The following LAMA3 variants were observed in gnomAD, a reference collection of about 807,000 sequenced individuals.
LAMA3 encodes the protein laminin subunit alpha 3.
In LAMA3, 281 loss-of-function variants were observed where a neutral mutation model predicts 402.0. That is an observed-to-expected ratio of 0.70 (90% confidence interval 0.63 to 0.77). The LOEUF is 0.77. LAMA3 is among the 30% of genes least tolerant of loss of function. The pLI is 0.00. For synonymous variants in LAMA3, 1,431 were observed against 1,558.4 expected, an observed-to-expected ratio of 0.92 and a Z score of 1.93; for missense variants, 3,840 against 4,215.5, an observed-to-expected ratio of 0.91 and a Z score of 2.47.
chr18:23,827,751 C>A (rs2063412888), intron 23 of LAMA3, among the ~76,000 whole-genome samples: 1 of 151,926 alleles, frequency 6.6e-6, no homozygotes, highest in Non-Finnish European at 1.5e-5. Flanking sequence ...AAGGGGGCAT[C>A]CTGTTCTACA....
At chr18:23,896,702 G>A (rs938314037) in intron 44 of LAMA3, among the ~76,000 whole-genome samples, 2 of 152,190 alleles carry the variant, frequency 1.3e-5, no homozygotes, top group Non-Finnish European at 2.9e-5. Context: ...GGCCACATGA[G>A]AGCCTAGCAA....
intron 8 of LAMA3, among the ~76,000 whole-genome samples, chr18:23,767,481 CAAAAAT>C (rs1845478560): frequency 6.6e-6 from 1 of 151,804 alleles, no homozygotes; most frequent in African/African-American, 2.4e-5. Context: ...ATACAGAACT[CAAAAAT>C]AAAGCCACAC....
intron 13 of LAMA3, among the ~76,000 whole-genome samples, chr18:23,812,037 C>T (rs537682455): frequency 8.3e-4 from 126 of 152,056 alleles, no homozygotes; most frequent in Non-Finnish European, 1.4e-3. Flanking sequence ...CCATGCCTAG[C>T]TAATTTTTTG....
At chr18:23,951,453 G>A (rs531558069) in intron 72 of LAMA3, among the ~76,000 whole-genome samples, 45 of 152,300 alleles carry the variant, frequency 3.0e-4, no homozygotes, top group Non-Finnish European at 1.5e-4. Flanking sequence ...CATTGGCAAC[G>A]ACTTCAGGCC....
At chr18:23,778,324 A>C (rs1406104770) in intron 11 of LAMA3, among the ~76,000 whole-genome samples, 1 of 152,166 alleles carries the variant, frequency 6.6e-6, no homozygotes, top group Non-Finnish European at 1.5e-5. Flanking sequence ...GAACAGAAAA[A>C]ATTCCCAGCT....
At chr18:23,863,932 CT>C (rs1470512375) in intron 35 of LAMA3, among the ~76,000 whole-genome samples, 1 of 152,210 alleles carries the variant, frequency 6.6e-6, no homozygotes, top group Non-Finnish European at 1.5e-5. Context: ...ATTGAGAGGT[CT>C]GTGCACCTGC....
At chr18:23,931,467 G>T in intron 65 of LAMA3, 1 of 396,940 alleles carries the variant, frequency 2.5e-6, no homozygotes, top group Non-Finnish European at 4.6e-6. Flanking sequence ...GACCAGTCTT[G>T]GAAACACAGT....
Position 23,899,029 on chromosome 18 carries a change from G to A in LAMA3, c.5800G>A (p.Asp1934Asn), listed in dbSNP as rs375324735. The change falls in exon 46 of 75, where the codon GAT becomes AAT. Residue 1934 changes from aspartate to asparagine, a missense_variant. By Grantham distance (23) the Asp-to-Asn change is conservative. Transcript: ENST00000313654. ...NRATQSAKEL[D>N]VKIKNVIRNV... is the part of the protein sequence containing the mutation. ...GGCAACACAAAGCGCAAAAGAACTGGATGTGAAGATTAAAAATGTCATCCG... is the reference window on the plus strand; with the variant it reads ...GGCAACACAAAGCGCAAAAGAACTGAATGTGAAGATTAAAAATGTCATCCG... 6.2e-7 allele frequency: 1 copy of A among 1,613,954 alleles called. No homozygotes were observed. Among genetic ancestry groups the A allele is most frequent in the Non-Finnish European group, 8.5e-7 (1 of 1,179,898 alleles).
chr18:23,706,330 G>A (rs1238663307), intron 1 of LAMA3, among the ~76,000 whole-genome samples: 2 of 152,080 alleles, frequency 1.3e-5, no homozygotes, highest in African/African-American at 4.8e-5. Context: ...TTTCTTTTTG[G>A]TTTATGAGTT....
At position 23,954,729 on chromosome 18, in the gene LAMA3, A is replaced by G; in HGVS notation, c.*81A>G. 7.0e-7 allele frequency: 1 copy of G among 1,437,538 alleles called. No individual in the cohort carries two copies. Among genetic ancestry groups the G allele is most frequent in the Non-Finnish European group, 9.8e-7 (1 of 1,020,926 alleles). 89.0% of individuals were successfully genotyped at this position (1,437,538 alleles called of 1,614,324 possible). ...GCACCTCCCTCCCCAGCTCGAGATCATTCTTCACTCAGGACACAAACCAGA... is the reference window on the plus strand; with the variant it reads ...GCACCTCCCTCCCCAGCTCGAGATCGTTCTTCACTCAGGACACAAACCAGA... On this transcript the variant is annotated 3_prime_UTR_variant, in exon 75 of 75. Coordinates refer to ENST00000313654, the MANE Select transcript of LAMA3 (RefSeq NM_198129.4).
At chr18:23,842,578 G>A (rs757052742) in intron 28 of LAMA3, 33 bp from the exon 29 acceptor site, 1 of 1,614,214 alleles carries the variant, frequency 6.2e-7, no homozygotes, top group Non-Finnish European at 8.5e-7. Context: ...ACAGTCCGGT[G>A]CATGACAGAA....
chr18:23,695,111 G>C (rs1426592545), intron 1 of LAMA3, among the ~76,000 whole-genome samples: 2 of 152,142 alleles, frequency 1.3e-5, no homozygotes, highest in African/African-American at 4.8e-5. Context: ...CCAATGCCCA[G>C]GACTGGACTC....
At chr18:23,842,229 A>AAC (rs2063716900) in intron 27 of LAMA3, among the ~76,000 whole-genome samples, 166 bp from the exon 28 acceptor site, 2 of 152,224 alleles carry the variant, frequency 1.3e-5, no homozygotes, top group African/African-American at 4.8e-5. Context: ...AAGCTACTGT[A>AAC]AATGTATGTG....
At chr18:23,950,236 T>C (rs1462279678) in intron 72 of LAMA3, 77 bp downstream of exon 72, 2 of 1,552,570 alleles carry the variant, frequency 1.3e-6, no homozygotes, top group South Asian at 1.1e-5. Context: ...CGGGTCAGGT[T>C]TGTAGTAGAG....
chr18:23,764,467 G>A (rs1261556475), intron 8 of LAMA3, among the ~76,000 whole-genome samples: 6 of 152,124 alleles, frequency 3.9e-5, no homozygotes, highest in African/African-American at 9.7e-5. Context: ...GAAAGGTCAA[G>A]CCCCTTCAAT....
chr18:23,753,338 T>C (rs993189002), intron 5 of LAMA3, among the ~76,000 whole-genome samples: 1 of 152,242 alleles, frequency 6.6e-6, no homozygotes, highest in Non-Finnish European at 1.5e-5. Flanking sequence ...AAAAATTTAG[T>C]TTTGATAAAT....
chr18:23,824,460 T>A lies in LAMA3; in HGVS notation c.2466T>A (p.Ser822Arg), dbSNP rs780717595. Residue 822 changes from serine to arginine, a missense_variant, in exon 21 of 75, where the codon AGT becomes AGA. Coordinates refer to ENST00000313654, the MANE Select transcript of LAMA3 (RefSeq NM_198129.4). ...AQSKEIIFLPSKEPAFVTVPG... is the reference protein window; with the variant it reads ...AQSKEIIFLPRKEPAFVTVPG... Reference sequence around the variant, plus strand: ...GCAAAGAGATCATCTTCCTGCCGAGTAAGGAGCCAGCCTTTGTCACTGTCC... The same window carrying A: ...GCAAAGAGATCATCTTCCTGCCGAGAAAGGAGCCAGCCTTTGTCACTGTCC... 50 of 1,614,150 alleles carry A rather than the reference T, an allele frequency of 3.1e-5. No homozygotes were observed. The highest frequency in any genetic ancestry group is 1.0e-4 in the Admixed American group (6 of 60,030).
chr18:23,815,042 G>A, intron 15 of LAMA3, 146 bp from the exon 16 acceptor site: 1 of 731,806 alleles, frequency 1.4e-6, no homozygotes, highest in Admixed American at 2.0e-5. Flanking sequence ...TCTAATTTTA[G>A]GCCTCAGCGA....
chr18:23,835,378 A>G lies in LAMA3; in HGVS notation c.2984+1390A>G, dbSNP rs376106302. 5.6e-4 allele frequency among the ~76,000 whole-genome samples: 85 copies of G among 152,306 alleles called. No individual in the cohort carries two copies. The Middle Eastern group carries it at 0.01, about 18-fold the overall frequency. On this transcript the variant is annotated intron_variant, in intron 24 of 74. Coordinates refer to ENST00000313654, the MANE Select transcript of LAMA3 (RefSeq NM_198129.4). ...AAGAGCTCTGAGAATATCTATGCCA[A>G]GGAGAGGAGTGGTTTCAAAACCAAA...
Sources: gnomAD v4.1 joint callset for allele counts (sites outside exome capture counted in the v4.1 genomes callset) on GRCh38, gnomAD v4.1.1 for gene constraint, MANE v1.5 for transcripts, NCBI Gene and HGNC (gene_info 2026-07-23, HGNC 2026-07-21) for gene names.